The following HECW2 variants were observed in gnomAD, a reference collection of about 807,000 sequenced individuals.
HECW2 encodes E3 ubiquitin-protein ligase HECW2.
HECW2 carries 61 observed loss-of-function variants against 175.2 expected under a neutral mutation model. That is an observed-to-expected ratio of 0.35 (90% CI 0.28 to 0.43). The LOEUF (loss-of-function observed/expected upper bound fraction) is 0.43, where lower values mean the gene tolerates loss of function less well. Among genes scored for constraint, HECW2 ranks in the 20% least tolerant of loss-of-function variants. The probability of loss-of-function intolerance (pLI) is 1.00; values close to 1 mark genes in which losing one functional copy is unlikely to be tolerated. For missense variants in HECW2, 1,524 were observed against 2,000.5 expected (o/e 0.76, Z 4.54); for synonymous variants, 671 against 731.0 (o/e 0.92, Z 1.32).
At chr2:196,393,004 A>G (rs1694558868) in intron 2 of HECW2, among the ~76,000 whole-genome samples, 1 of 152,202 alleles carries the variant, frequency 6.6e-6, no homozygotes, top group Non-Finnish European at 1.5e-5. Context: ...AATACCACAC[A>G]TCTACAACCA....
At chr2:196,275,489 C>T (rs4072847) in intron 15 of HECW2, among the ~76,000 whole-genome samples, 144,570 of 152,234 alleles carry the variant, frequency 0.95, 68,983 homozygotes, top group East Asian at 0.99. Flanking sequence ...CACGGTGGCT[C>T]ACACCTATAA....
chr2:196,203,084 G>C (rs1428536331), intron 28 of HECW2, among the ~76,000 whole-genome samples: 1 of 152,096 alleles, frequency 6.6e-6, no homozygotes. Context: ...CACTCAAAAA[G>C]TTTTGGATTT....
chr2:196,407,521 T>A (rs1019647120), intron 2 of HECW2, among the ~76,000 whole-genome samples: 5 of 152,218 alleles, frequency 3.3e-5, no homozygotes, highest in South Asian at 2.1e-4. Flanking sequence ...TTCACAAACA[T>A]TTGTTTAATT....
At chr2:196,405,814 C>T (rs1223998714) in intron 2 of HECW2, among the ~76,000 whole-genome samples, 1 of 151,996 alleles carries the variant, frequency 6.6e-6, no homozygotes, top group Non-Finnish European at 1.5e-5. Flanking sequence ...CCCACTTCCT[C>T]ACCTCACATC....
chr2:196,248,605 C>G lies in HECW2; in HGVS notation c.3529+5315G>C, dbSNP rs1042899899. On this transcript the variant is annotated intron_variant, in intron 19 of 28. Coordinates refer to ENST00000644978, the MANE Select transcript of HECW2 (RefSeq NM_001348768.2). ...AGAGAGAGAGACAGACAGACACACA[C>G]ACACACACACACACACACACACACA... Among the ~76,000 whole-genome samples, 90 of 141,252 alleles carry G rather than the reference C, an allele frequency of 6.4e-4. 2 individuals carry two copies. In the South Asian group the frequency reaches 0.016, roughly 24 times the overall value. 92.7% of individuals were successfully genotyped at this position (141,252 alleles called of 152,430 possible).
At chr2:196,212,819 A>G (rs1473011852) in intron 28 of HECW2, among the ~76,000 whole-genome samples, 1 of 152,224 alleles carries the variant, frequency 6.6e-6, no homozygotes, top group African/African-American at 2.4e-5. Flanking sequence ...CCAATAGTGT[A>G]TAAGCATTCC....
At chr2:196,509,931 C>T (rs1559149945) in intron 1 of HECW2, among the ~76,000 whole-genome samples, 1 of 152,210 alleles carries the variant, frequency 6.6e-6, no homozygotes, top group East Asian at 1.9e-4. Flanking sequence ...CTCTGAGACT[C>T]TTTTAAGATA....
intron 1 of HECW2, among the ~76,000 whole-genome samples, chr2:196,454,349 C>A (rs1434277417): frequency 6.6e-6 from 1 of 152,150 alleles, no homozygotes; most frequent in African/African-American, 2.4e-5. Flanking sequence ...GTAAAGTGGG[C>A]ATTCATATTA....
At chr2:196,329,161 C>G (rs1331308295) in intron 5 of HECW2, among the ~76,000 whole-genome samples, 1 of 152,112 alleles carries the variant, frequency 6.6e-6, no homozygotes, top group Non-Finnish European at 1.5e-5. Flanking sequence ...ATTGGCTTAT[C>G]CACTTTCCAA....
intron 2 of HECW2, among the ~76,000 whole-genome samples, chr2:196,423,708 G>A (rs10170132): frequency 7.9e-5 from 12 of 151,516 alleles, no homozygotes; most frequent in African/African-American, 2.4e-4. Context: ...GTGTGTGTGT[G>A]TGTGTGTTTA....
At chr2:196,322,346 C>A (rs190684566) in intron 7 of HECW2, 132 bp downstream of exon 7, 3 of 632,322 alleles carry the variant, frequency 4.7e-6, no homozygotes. Context: ...AGTGTAAGGA[C>A]ACTTTTATTT....
chr2:196,307,196 G>T lies in HECW2; in HGVS notation c.2623C>A (p.Pro875Thr), dbSNP rs779819122. Residue 875 changes from proline to threonine, a missense_variant, in exon 12 of 29, where the codon CCT (proline) becomes ACT (threonine). Pro to Thr is a conservative substitution (Grantham distance 38). Coordinates refer to ENST00000644978, the MANE Select transcript of HECW2 (RefSeq NM_001348768.2). ...SIRRTMTNER[P>T]EENTNAIDGA... ...TCAATAGCATTGGTATTTTCCTCAG[G>T]CCTCTCATTGGTCATGGTTCTGCGG... is the stretch of plus-strand genomic sequence containing the variant. The T allele has an allele frequency of 5.0e-6, 8 of 1,613,674 alleles. No individual in the cohort carries two copies. In the South Asian group the frequency reaches 8.8e-5, roughly 18 times the overall value.
At chr2:196,356,437 T>C (rs771227471) in intron 2 of HECW2, among the ~76,000 whole-genome samples, 1 of 152,218 alleles carries the variant, frequency 6.6e-6, no homozygotes, top group South Asian at 2.1e-4. Context: ...AAGTTTTAGA[T>C]TGTGTACATT....
In HECW2 at chr2:196,255,147, ATTTTTTTTTT is replaced by A. The variant is rs768416431; in HGVS notation, c.3420-1128_3420-1119del. On this transcript the variant is annotated intron_variant, in intron 18 of 28. Coordinates refer to ENST00000644978, the MANE Select transcript of HECW2 (RefSeq NM_001348768.2). ...GTCACCACGTTCAGCTAATTTTTCT[ATTTTTTTTTT>A]TTTTTTTTTTTTTAGTAGAGATGGG... 3.1e-5 allele frequency among the ~76,000 whole-genome samples: 3 copies of A among 95,428 alleles called. No individual in the cohort carries two copies. In the Admixed American group the frequency reaches 4.6e-4, roughly 14 times the overall value. The allele number at this position is 95,428 out of a possible 152,430, so 62.6% of individuals were successfully genotyped here.
chr2:196,485,794 G>A (rs913605795), intron 1 of HECW2, among the ~76,000 whole-genome samples: 45 of 152,176 alleles, frequency 3.0e-4, no homozygotes, highest in Middle Eastern at 6.8e-3. Context: ...AAAGTAATTC[G>A]TAAAACAATA....
chr2:196,212,701 G>C (rs181951364), intron 28 of HECW2, among the ~76,000 whole-genome samples: 292 of 152,206 alleles, frequency 1.9e-3, no homozygotes, highest in African/African-American at 6.7e-3. Flanking sequence ...ATTCTCTTGG[G>C]TATATACCCA....
At chr2:196,462,788 T>C (rs1159828989) in intron 1 of HECW2, among the ~76,000 whole-genome samples, 1 of 152,194 alleles carries the variant, frequency 6.6e-6, no homozygotes, top group Non-Finnish European at 1.5e-5. Flanking sequence ...CTGTACTTTT[T>C]CATCTCAACA....
At chr2:196,451,871 C>T (rs1383395522) in intron 1 of HECW2, among the ~76,000 whole-genome samples, 4 of 152,208 alleles carry the variant, frequency 2.6e-5, no homozygotes, top group African/African-American at 9.7e-5. Context: ...TGCACTCCAG[C>T]TTGGGTGACA....
chr2:196,315,259 AT>A (rs1691652559), intron 10 of HECW2, among the ~76,000 whole-genome samples: 1 of 152,020 alleles, frequency 6.6e-6, no homozygotes, highest in African/African-American at 2.4e-5. Context: ...TTCTGTTTAT[AT>A]TTTACAAAAA....
Sources: gnomAD v4.1 joint callset for allele counts (sites outside exome capture counted in the v4.1 genomes callset) on GRCh38, gnomAD v4.1.1 for gene constraint, MANE v1.5 for transcripts, NCBI Gene and HGNC (gene_info 2026-07-23, HGNC 2026-07-21) for gene names.